The following FAM222A variants were observed in gnomAD, a reference collection of about 807,000 sequenced individuals.
FAM222A encodes the protein protein FAM222A.
In FAM222A, 7 loss-of-function variants were observed where a neutral mutation model predicts 25.8. That is an observed-to-expected ratio of 0.27 (90% CI 0.15 to 0.51). The LOEUF (loss-of-function observed/expected upper bound fraction) is 0.51. Ranked by LOEUF, FAM222A falls within the 20% of genes least tolerant of loss-of-function variation. The probability of loss-of-function intolerance (pLI) is 0.97; values close to 1 mark genes in which losing one functional copy is unlikely to be tolerated. For missense variants in FAM222A, 573 were observed against 640.5 expected (o/e 0.89, Z 1.14); for synonymous variants, 294 against 298.8 (o/e 0.98, Z 0.17).
intron 1 of FAM222A, chr12:109,722,402 A>G (rs1337908540): frequency 1.3e-5 from 2 of 152,144 alleles, no homozygotes; most frequent in African/African-American, 4.8e-5. Context: ...TTGGGGGGCT[A>G]CCTTCAGTCT....
intron 1 of FAM222A, among the ~76,000 whole-genome samples, chr12:109,718,665 G>A (rs916109840): frequency 2.0e-5 from 3 of 152,232 alleles, no homozygotes; most frequent in East Asian, 3.9e-4. Context: ...GTTGCGGGCC[G>A]CGGGAGGAGG....
chr12:109,723,915 T>C (rs751136998), intron 1 of FAM222A, among the ~76,000 whole-genome samples: 21 of 151,954 alleles, frequency 1.4e-4, no homozygotes, highest in Non-Finnish European at 3.1e-4. Context: ...GGCCCATCTG[T>C]GCCACCATAT....
At chr12:109,744,663 T>C in intron 2 of FAM222A, 1 of 985,418 alleles carries the variant, frequency 1.0e-6, no homozygotes, top group African/African-American at 1.7e-5. Context: ...TGGCCTTGCT[T>C]TTTCACTGGG....
intron 1 of FAM222A, among the ~76,000 whole-genome samples, chr12:109,725,516 G>A (rs1489706315): frequency 6.7e-6 from 1 of 149,832 alleles, no homozygotes; most frequent in Non-Finnish European, 1.5e-5. Flanking sequence ...GGCCCCGAGC[G>A]GGGGTTCCAG....
intron 2 of FAM222A, among the ~76,000 whole-genome samples, chr12:109,747,945 A>C (rs1888448826): frequency 6.6e-6 from 1 of 152,222 alleles, no homozygotes; most frequent in Non-Finnish European, 1.5e-5. Flanking sequence ...CAATGAAACA[A>C]TAATAGTGGC....
Position 109,723,927 on chromosome 12 carries a change from C to T in FAM222A, c.-47+9030C>T, listed in dbSNP as rs972373691. On this transcript the variant is annotated intron_variant, in intron 1 of 2. Transcript: ENST00000538780. ...ATGGGCCCATCTGTGCCACCATATG[C>T]AAAAGAGAAAAAAAAATCCCCTTTT... 1.4e-4 allele frequency among the ~76,000 whole-genome samples: 21 copies of T among 149,874 alleles called. No homozygotes were observed. The South Asian group carries it at 2.1e-3, about 15-fold the overall frequency.
At chr12:109,716,923 A>C (rs1037579615) in intron 1 of FAM222A, among the ~76,000 whole-genome samples, 1 of 152,202 alleles carries the variant, frequency 6.6e-6, no homozygotes, top group African/African-American at 2.4e-5. Context: ...GCTGTGGCCC[A>C]TTTTATAGCT....
intron 2 of FAM222A, among the ~76,000 whole-genome samples, chr12:109,765,766 A>G (rs1257274712): frequency 1.3e-5 from 2 of 152,008 alleles, no homozygotes; most frequent in Non-Finnish European, 2.9e-5. Flanking sequence ...CAGGGTCTGC[A>G]CTCTATCCCC....
At chr12:109,740,318 C>G (rs1295067617) in intron 1 of FAM222A, among the ~76,000 whole-genome samples, 1 of 152,184 alleles carries the variant, frequency 6.6e-6, no homozygotes, top group African/African-American at 2.4e-5. Flanking sequence ...GCCCCCATGT[C>G]AGGGAAGGTG....
chr12:109,755,439 C>T (rs1269040807), intron 2 of FAM222A, among the ~76,000 whole-genome samples: 5 of 151,956 alleles, frequency 3.3e-5, no homozygotes, highest in African/African-American at 1.2e-4. Flanking sequence ...AGTGATTCTC[C>T]TGCCTCAGCC....
At chr12:109,755,055 T>C (rs1888680184) in intron 2 of FAM222A, among the ~76,000 whole-genome samples, 1 of 152,202 alleles carries the variant, frequency 6.6e-6, no homozygotes, top group Admixed American at 6.5e-5. Context: ...CCATATCAGG[T>C]GCATGATCTG....
intron 2 of FAM222A, among the ~76,000 whole-genome samples, chr12:109,764,446 A>C (rs1236262543): frequency 6.6e-6 from 1 of 152,160 alleles, no homozygotes; most frequent in African/African-American, 2.4e-5. Context: ...TTAAACACCT[A>C]ATTTATTCCG....
At chr12:109,719,957 G>T (rs1321526240) in intron 1 of FAM222A, 1 of 341,368 alleles carries the variant, frequency 2.9e-6, no homozygotes, top group Non-Finnish European at 4.1e-6. Context: ...ACTCTCACTG[G>T]CTGTGTCCTC....
chr12:109,748,330 C>CTTTTTT (rs1410740242), intron 2 of FAM222A, among the ~76,000 whole-genome samples: 1 of 40,444 alleles, frequency 2.5e-5, no homozygotes, highest in African/African-American at 8.5e-5. Flanking sequence ...CTTTGGTTTT[C>CTTTTTT]TTTCTTTTTT....
chr12:109,748,334 C>CTTTTTTTTTTTT (rs61492433), intron 2 of FAM222A, among the ~76,000 whole-genome samples: 1 of 81,632 alleles, frequency 1.2e-5, no homozygotes, highest in Non-Finnish European at 3.0e-5. Context: ...GGTTTTCTTT[C>CTTTTTTTTTTTT]TTTTTTTTTT....
At chr12:109,731,239 G>A (rs10128839) in intron 1 of FAM222A, among the ~76,000 whole-genome samples, 3,353 of 152,166 alleles carry the variant, frequency 0.022, 138 homozygotes, top group African/African-American at 0.077. Flanking sequence ...ATGCTATGGT[G>A]GTGGCGGGAG....
chr12:109,743,087 G>A (rs547247556), intron 1 of FAM222A, among the ~76,000 whole-genome samples: 51 of 152,266 alleles, frequency 3.3e-4, no homozygotes, highest in African/African-American at 1.2e-3. Context: ...GTGGGGACAG[G>A]GTGCCCGGGA....
At chr12:109,715,025 C>A (rs1214595711) in intron 1 of FAM222A, 128 bp downstream of exon 1, 3 of 152,410 alleles carry the variant, frequency 2.0e-5, no homozygotes, top group Non-Finnish European at 4.4e-5. Context: ...CTTGTCCGCC[C>A]CTTTCCTCCC....
At chr12:109,757,698 AAT>A (rs1888772559) in intron 2 of FAM222A, among the ~76,000 whole-genome samples, 1 of 152,016 alleles carries the variant, frequency 6.6e-6, no homozygotes, top group African/African-American at 2.4e-5. Flanking sequence ...CAGTGTCCAG[AAT>A]AGAGAGCCAC....
Sources: gnomAD v4.1 joint callset for allele counts (sites outside exome capture counted in the v4.1 genomes callset) on GRCh38, gnomAD v4.1.1 for gene constraint, MANE v1.5 for transcripts, NCBI Gene and HGNC (gene_info 2026-07-23, HGNC 2026-07-21) for gene names.